RANBP17: variants seen among roughly 807,000 people sequenced by gnomAD.
RANBP17 encodes ran-binding protein 17.
A neutral mutation model predicts 141.2 loss-of-function variants in RANBP17; 158 were observed. The observed-to-expected ratio is 1.12, with a 90% confidence interval of 0.98 to 1.28. RANBP17 has a LOEUF of 1.28. Among genes scored for constraint, RANBP17 ranks in the 50% most tolerant of loss-of-function variants. The probability of loss-of-function intolerance (pLI) is 0.00; values close to 1 mark genes in which losing one functional copy is unlikely to be tolerated. For missense variants in RANBP17, 1,438 were observed against 1,290.7 expected (o/e 1.11, Z -1.75); for synonymous variants, 430 against 450.0 (o/e 0.96, Z 0.56).
chr5:171,294,395 C>G (rs943629609), intron 26 of RANBP17, among the ~76,000 whole-genome samples: 4 of 152,188 alleles, frequency 2.6e-5, no homozygotes, highest in African/African-American at 9.7e-5. Context: ...CTCACAGAAC[C>G]AGCACCCTTC....
intron 25 of RANBP17, among the ~76,000 whole-genome samples, chr5:171,266,854 A>G (rs1766719504): frequency 6.6e-6 from 1 of 151,960 alleles, no homozygotes; most frequent in Non-Finnish European, 1.5e-5. Context: ...CAGAGGTTGC[A>G]GTGAGCTGAG....
In RANBP17 at chr5:171,274,016, GC is replaced by G. The variant is rs1025218645; in HGVS notation, c.2943+8170del. 7.7e-4 allele frequency among the ~76,000 whole-genome samples: 117 copies of G among 152,044 alleles called. 1 individual carries two copies. The highest frequency in any genetic ancestry group is 2.7e-3 in the African/African-American group (111 of 41,390). ...TGCACACAAGGAATACAATAAACAGGCGATGAAGTGAAACTGACCTAATACT... is the reference window on the plus strand; with the variant it reads ...TGCACACAAGGAATACAATAAACAGGGATGAAGTGAAACTGACCTAATACT... On this transcript the variant is annotated intron_variant, in intron 25 of 27. Transcript: ENST00000523189.
intron 14 of RANBP17, among the ~76,000 whole-genome samples, chr5:170,988,136 CTT>C (rs1263256564): frequency 6.6e-6 from 1 of 151,470 alleles, no homozygotes; most frequent in East Asian, 1.9e-4. Flanking sequence ...TTTTTCCTCT[CTT>C]TTTTTCTACT....
intron 1 of RANBP17, among the ~76,000 whole-genome samples, chr5:170,872,986 G>A (rs1392380136): frequency 1.3e-5 from 2 of 151,846 alleles, no homozygotes; most frequent in South Asian, 4.2e-4. Flanking sequence ...ATCTTGGCTC[G>A]CTGCAACCTC....
At chr5:171,199,504 A>T (rs1762173914) in intron 18 of RANBP17, among the ~76,000 whole-genome samples, 166 bp from the exon 19 acceptor site, 1 of 152,242 alleles carries the variant, frequency 6.6e-6, no homozygotes, top group South Asian at 2.1e-4. Flanking sequence ...AGAAGGCACA[A>T]CACCAGAATA....
chr5:171,226,829 A>T (rs1763912167), intron 22 of RANBP17, among the ~76,000 whole-genome samples: 1 of 152,246 alleles, frequency 6.6e-6, no homozygotes, highest in South Asian at 2.1e-4. Flanking sequence ...AGAATGGAAG[A>T]TTAAGATTGT....
chr5:170,988,184 A>G (rs1211459941), intron 14 of RANBP17, among the ~76,000 whole-genome samples: 1 of 151,644 alleles, frequency 6.6e-6, no homozygotes, highest in African/African-American at 2.4e-5. Flanking sequence ...ATCATTATAA[A>G]ATTCGGTATC....
At chr5:171,212,737 G>A (rs1453975758) in intron 20 of RANBP17, among the ~76,000 whole-genome samples, 1 of 152,190 alleles carries the variant, frequency 6.6e-6, no homozygotes, top group Non-Finnish European at 1.5e-5. Context: ...ACATCGGAAA[G>A]AGACTTGAGG....
chr5:170,934,401 C>G (rs547845862), intron 12 of RANBP17, among the ~76,000 whole-genome samples: 1 of 152,112 alleles, frequency 6.6e-6, no homozygotes, highest in African/African-American at 2.4e-5. Context: ...TTTGCTCATT[C>G]GTTGTTGCAG....
intron 14 of RANBP17, among the ~76,000 whole-genome samples, chr5:171,092,676 T>C (rs1786390737): frequency 6.6e-6 from 1 of 152,212 alleles, no homozygotes; most frequent in Non-Finnish European, 1.5e-5. Context: ...CCTATTCTTA[T>C]TTTTCCTAAG....
intron 13 of RANBP17, among the ~76,000 whole-genome samples, chr5:170,957,678 A>G (rs1006063104): frequency 1.3e-5 from 2 of 152,160 alleles, no homozygotes; most frequent in African/African-American, 4.8e-5. Flanking sequence ...TTCAGTGTTT[A>G]AAATCGCCCA....
At chr5:170,878,323 G>C (rs1768367077) in intron 2 of RANBP17, 80 bp downstream of exon 2, 2 of 1,198,412 alleles carry the variant, frequency 1.7e-6, no homozygotes, top group Non-Finnish European at 2.3e-6. Context: ...TGTTAGCAAT[G>C]GTAACTGATA....
chr5:170,892,126 ATTCTT>A (rs966500661), intron 3 of RANBP17, among the ~76,000 whole-genome samples: 1 of 123,292 alleles, frequency 8.1e-6, no homozygotes, highest in African/African-American at 3.1e-5. Flanking sequence ...AGTTCACAAA[ATTCTT>A]TTTTTTTTTT....
chr5:171,163,727 A>G (rs1759495408), intron 14 of RANBP17, among the ~76,000 whole-genome samples: 1 of 152,202 alleles, frequency 6.6e-6, no homozygotes, highest in Non-Finnish European at 1.5e-5. Flanking sequence ...GATTGAAACA[A>G]TACTTGAAAA....
intron 14 of RANBP17, among the ~76,000 whole-genome samples, chr5:171,083,679 A>G (rs1158206198): frequency 1.3e-5 from 2 of 152,166 alleles, no homozygotes. Flanking sequence ...TCCCCATCCA[A>G]ATCTCATCTT....
rs148851041 is a variant in RANBP17, at chr5:171,013,651, G to T, written c.1710+45274G>T. The stretch of plus-strand genomic sequence containing the variant: ...TAAGCCTATCCTATCCCAATATTTG[G>T]ATTACTGTAGCTTCTAATAAGTCTT... On this transcript the variant is annotated intron_variant, in intron 14 of 27. Transcript: ENST00000523189. 4.1e-3 allele frequency among the ~76,000 whole-genome samples: 618 copies of T among 151,470 alleles called. 5 individuals carry two copies. Among genetic ancestry groups the T allele is most frequent in the African/African-American group, 0.014 (596 of 41,268 alleles).
chr5:171,082,366 A>C (rs1785309693), intron 14 of RANBP17, among the ~76,000 whole-genome samples: 1 of 152,172 alleles, frequency 6.6e-6, no homozygotes, highest in African/African-American at 2.4e-5. Context: ...TATTTGATAA[A>C]AGAGCCAGTT....
intron 24 of RANBP17, among the ~76,000 whole-genome samples, chr5:171,261,089 C>G (rs1179883136): frequency 5.9e-5 from 3 of 50,592 alleles, no homozygotes; most frequent in Non-Finnish European, 1.2e-4. Flanking sequence ...CCCACCCCCC[C>G]CAAAAAAAAA....
chr5:171,114,975 A>G (rs1440812653), intron 14 of RANBP17, among the ~76,000 whole-genome samples: 1 of 151,970 alleles, frequency 6.6e-6, no homozygotes, highest in Non-Finnish European at 1.5e-5. Flanking sequence ...ATGGTTGGAC[A>G]TGGTGGTGTG....
Sources: allele counts gnomAD v4.1 joint callset (sites outside exome capture counted in the v4.1 genomes callset), GRCh38; gene constraint gnomAD v4.1.1; transcripts MANE v1.5; gene names NCBI Gene and HGNC (gene_info 2026-07-23, HGNC 2026-07-21).